The following PCNX1 variants were observed in gnomAD, a reference collection of about 807,000 sequenced individuals.
PCNX1 encodes pecanex-like protein 1.
PCNX1 carries 78 observed loss-of-function variants against 242.2 expected under a neutral mutation model. That is an observed-to-expected ratio of 0.32 (90% CI 0.27 to 0.39). PCNX1 has a LOEUF of 0.39. Ranked by LOEUF, PCNX1 falls within the 10% of genes least tolerant of loss-of-function variation. The probability of loss-of-function intolerance (pLI) is 1.00; values close to 1 mark genes in which losing one functional copy is unlikely to be tolerated. For synonymous variants in PCNX1, 1,024 were observed against 1,032.9 expected (o/e 0.99, Z 0.17); for missense variants, 2,581 against 2,856.5 (o/e 0.90, Z 2.20).
At chr14:71,029,533 A>G (rs755096861) in intron 16 of PCNX1, among the ~76,000 whole-genome samples, 7 of 152,332 alleles carry the variant, frequency 4.6e-5, no homozygotes, top group East Asian at 1.9e-4. Flanking sequence ...TAGATTAGCT[A>G]TGATTAACAA....
intron 28 of PCNX1, among the ~76,000 whole-genome samples, chr14:71,077,085 AG>A (rs2061736266): frequency 6.6e-6 from 1 of 152,212 alleles, no homozygotes; most frequent in Non-Finnish European, 1.5e-5. Flanking sequence ...ACTCTGATCT[AG>A]GTCTAGGCTG....
rs2058713842 is a variant in PCNX1, at chr14:70,977,205, G to A, written c.868G>A (p.Ala290Thr). The A allele has an allele frequency of 1.2e-6, 2 of 1,614,090 alleles. No homozygotes were observed. The highest frequency in any genetic ancestry group is 1.7e-6 in the Non-Finnish European group (2 of 1,180,052). ...PRGVPRTSSS[A>T]VAFPDTSLND... ...AGGTGTACCACGGACTTCTAGCTCT[G>A]CTGTGGCTTTTCCAGACACTTCACT... Residue 290 changes from alanine (A) to threonine (T), a missense_variant, in exon 6 of 36, where the codon GCT (alanine) becomes ACT (threonine). Ala to Thr is a moderately conservative substitution (Grantham distance 58). Coordinates refer to ENST00000304743, the MANE Select transcript of PCNX1 (RefSeq NM_014982.3).
intron 1 of PCNX1, among the ~76,000 whole-genome samples, chr14:70,912,440 C>T (rs1197651331): frequency 1.3e-5 from 2 of 151,984 alleles, no homozygotes; most frequent in African/African-American, 4.8e-5. Context: ...ATATTCCTAA[C>T]TACCAGCCCC....
intron 11 of PCNX1, among the ~76,000 whole-genome samples, chr14:71,013,972 G>A (rs2059891772): frequency 6.6e-6 from 1 of 152,188 alleles, no homozygotes; most frequent in South Asian, 2.1e-4. Context: ...TCTGCATTGA[G>A]TCACCTTGAC....
At chr14:70,983,181 T>C (rs1335417762) in intron 6 of PCNX1, among the ~76,000 whole-genome samples, 1 of 152,172 alleles carries the variant, frequency 6.6e-6, no homozygotes, top group African/African-American at 2.4e-5. Flanking sequence ...CACAAAGGAC[T>C]AAAAAGGATT....
chr14:70,992,790 T>C (rs534665405), intron 7 of PCNX1, among the ~76,000 whole-genome samples: 3 of 152,338 alleles, frequency 2.0e-5, no homozygotes, highest in Non-Finnish European at 4.4e-5. Context: ...AAAAAAGATT[T>C]ATTTGTACCA....
At chr14:70,956,989 A>ATT in intron 2 of PCNX1, among the ~76,000 whole-genome samples, 1 of 103,130 alleles carries the variant, frequency 9.7e-6, no homozygotes, top group Non-Finnish European at 2.2e-5. Flanking sequence ...ATTTGTTTTT[A>ATT]TTATATTATT....
chr14:70,967,653 T>C (rs1474033621), intron 3 of PCNX1, among the ~76,000 whole-genome samples: 1 of 152,220 alleles, frequency 6.6e-6, no homozygotes, highest in African/African-American at 2.4e-5. Context: ...TTTATTGATT[T>C]ATTTTTTAAT....
chr14:70,919,111 T>A (rs1014529014), intron 1 of PCNX1, among the ~76,000 whole-genome samples: 2 of 152,048 alleles, frequency 1.3e-5, no homozygotes, highest in African/African-American at 2.4e-5. Context: ...CTCAAACTCC[T>A]GGCCTCAAAT....
intron 8 of PCNX1, among the ~76,000 whole-genome samples, chr14:71,005,966 A>G (rs567524239): frequency 2.3e-3 from 328 of 142,028 alleles, no homozygotes; most frequent in African/African-American, 8.4e-3. Context: ...TCTCTTGCCC[A>G]GGCTGGAGGG....
At chr14:71,095,930 C>T (rs2062264547) in intron 30 of PCNX1, among the ~76,000 whole-genome samples, 1 of 152,074 alleles carries the variant, frequency 6.6e-6, no homozygotes, top group African/African-American at 2.4e-5. Context: ...AATCCCAGCA[C>T]TTTGGGAGGC....
rs185236283 is a variant in PCNX1, at chr14:71,028,556, G to A, written c.3467-144G>A. Reference sequence around the variant, plus strand: ...TCAAAATCTTTTTGAAAGAAATAATGAAGTAACTGAATTTCTGAAATTCAG... The same window carrying A: ...TCAAAATCTTTTTGAAAGAAATAATAAAGTAACTGAATTTCTGAAATTCAG... On this transcript the variant is annotated intron_variant, in intron 15 of 35. Transcript: ENST00000304743. 3.7e-4 allele frequency: 201 copies of A among 547,926 alleles called. 1 individual carries two copies. In the East Asian group the frequency reaches 6.3e-3, roughly 17 times the overall value. The allele number at this position is 547,926 out of a possible 1,614,324, so 33.9% of individuals were successfully genotyped here.
chr14:71,103,705 A>G, intron 32 of PCNX1, 36 bp downstream of exon 32: 6 of 1,599,440 alleles, frequency 3.8e-6, no homozygotes, highest in Non-Finnish European at 5.1e-6. Flanking sequence ...GTGCTGGTGT[A>G]TTCCTGACCC....
chr14:70,935,877 A>G (rs1390917099), intron 1 of PCNX1, among the ~76,000 whole-genome samples: 1 of 152,180 alleles, frequency 6.6e-6, no homozygotes, highest in Non-Finnish European at 1.5e-5. Context: ...CCTGTCTGGA[A>G]ATGAAGGTAT....
intron 28 of PCNX1, among the ~76,000 whole-genome samples, chr14:71,077,360 G>A (rs1429283263): frequency 6.6e-6 from 1 of 152,154 alleles, no homozygotes; most frequent in Non-Finnish European, 1.5e-5. Flanking sequence ...CACCAGTGTC[G>A]TATGTACAGA....
chr14:71,023,709 T>G (rs919837642), intron 13 of PCNX1, among the ~76,000 whole-genome samples: 9 of 152,216 alleles, frequency 5.9e-5, no homozygotes, highest in African/African-American at 1.9e-4. Flanking sequence ...CTTCGTGACT[T>G]TAGACAAAAA....
intron 6 of PCNX1, among the ~76,000 whole-genome samples, chr14:70,984,067 C>T (rs893743971): frequency 2.0e-5 from 3 of 151,284 alleles, no homozygotes; most frequent in African/African-American, 7.3e-5. Flanking sequence ...GATGCCTTTT[C>T]TTTTTCTGAG....
intron 1 of PCNX1, among the ~76,000 whole-genome samples, chr14:70,934,287 A>C (rs2056914963): frequency 6.6e-6 from 1 of 152,208 alleles, no homozygotes; most frequent in Non-Finnish European, 1.5e-5. Context: ...AGAATTTAAG[A>C]AGACTAAACT....
chr14:71,004,776 A>G (rs535179054), intron 8 of PCNX1, among the ~76,000 whole-genome samples: 22 of 152,356 alleles, frequency 1.4e-4, no homozygotes, highest in African/African-American at 5.1e-4. Flanking sequence ...CTTTAAAAGT[A>G]TAATATATTC....
Sources: allele counts gnomAD v4.1 joint callset (sites outside exome capture counted in the v4.1 genomes callset), GRCh38; gene constraint gnomAD v4.1.1; transcripts MANE v1.5; gene names NCBI Gene and HGNC (gene_info 2026-07-23, HGNC 2026-07-21).